The following FGFRL1 variants were observed in gnomAD, a reference collection of about 807,000 sequenced individuals.
FGFRL1 encodes fibroblast growth factor receptor like 1, also known as fibroblast growth factor receptor-like 1.
FGFRL1 carries 24 observed loss-of-function variants against 36.8 expected under a neutral mutation model. The ratio of observed to expected loss-of-function variants is 0.65; its 90% CI spans 0.47 to 0.92. FGFRL1 has a LOEUF of 0.92. Ranked by LOEUF, FGFRL1 falls within the 40% of genes least tolerant of loss-of-function variation. FGFRL1 has a pLI of 0.00. For missense variants in FGFRL1, 785 were observed against 753.4 expected (o/e 1.04, Z -0.49); for synonymous variants, 422 against 344.1 (o/e 1.23, Z -2.50).
chr4:1,013,542 C>A (rs569391597), intron 2 of FGFRL1, among the ~76,000 whole-genome samples: 2 of 152,278 alleles, frequency 1.3e-5, no homozygotes, highest in African/African-American at 2.4e-5. Context: ...CCCCCTACCC[C>A]CCGCCTGCCC....
At chr4:1,022,918 C>G (rs1013945994) in intron 3 of FGFRL1, among the ~76,000 whole-genome samples, 3 of 152,300 alleles carry the variant, frequency 2.0e-5, no homozygotes, top group Non-Finnish European at 4.4e-5. Flanking sequence ...GAGAGACACG[C>G]CCTCCATACC....
chr4:1,018,479 G>A (rs1716010778), intron 2 of FGFRL1, among the ~76,000 whole-genome samples: 1 of 152,184 alleles, frequency 6.6e-6, no homozygotes, highest in African/African-American at 2.4e-5. Context: ...CTCATGTCTC[G>A]CTCCCATGTG....
intron 2 of FGFRL1, among the ~76,000 whole-genome samples, chr4:1,020,549 G>T (rs903518567): frequency 6.7e-6 from 1 of 150,284 alleles, no homozygotes; most frequent in African/African-American, 2.5e-5. Context: ...GCCCACTGGG[G>T]CTGGTCACAC....
chr4:1,012,482 C>A lies in FGFRL1; in HGVS notation c.-4C>A, dbSNP rs766779845. 27 of 1,574,518 alleles carry A rather than the reference C, an allele frequency of 1.7e-5. No homozygotes were observed. In the East Asian group the frequency reaches 6.5e-4, roughly 38 times the overall value. On this transcript the variant is annotated 5_prime_UTR_variant, in exon 2 of 7. Transcript: ENST00000510644. ...CCAATGTCCCCAGGTCCGGACAGGC[C>A]GAGATGACGCCGAGCCCCCTGTTGC...
chr4:1,017,397 C>G (rs565562577), intron 2 of FGFRL1, among the ~76,000 whole-genome samples: 1 of 152,298 alleles, frequency 6.6e-6, no homozygotes, highest in East Asian at 1.9e-4. Context: ...TCCACCTGCC[C>G]CTCCCTCCCC....
Position 1,025,299 on chromosome 4 carries a change from C to T in FGFRL1, c.1467C>T (p.His489=), listed in dbSNP as rs1292957098. ...HTHTHTHSHT[H]SHVEGKVHQH... is the part of the protein sequence containing the mutation. ...ACACACACACACACTCTCACACACACTCACACGTGGAGGGCAAGGTCCACC... is the reference window on the plus strand; with the variant it reads ...ACACACACACACACTCTCACACACATTCACACGTGGAGGGCAAGGTCCACC... Residue 489 remains histidine, a synonymous_variant, in exon 7 of 7, where the codon CAC becomes CAT. Transcript: ENST00000510644. 3 of 1,572,656 alleles carry T rather than the reference C, an allele frequency of 1.9e-6. No individual in the cohort carries two copies. The highest frequency in any genetic ancestry group is 2.6e-6 in the Non-Finnish European group (3 of 1,158,474).
chr4:1,021,770 C>A (rs868770408), intron 2 of FGFRL1, among the ~76,000 whole-genome samples: 1 of 152,164 alleles, frequency 6.6e-6, no homozygotes, highest in Non-Finnish European at 1.5e-5. Context: ...CCCTACTGCC[C>A]TTGTCCTTGG....
At chr4:1,014,482 C>T (rs1715779306) in intron 2 of FGFRL1, among the ~76,000 whole-genome samples, 2 of 152,210 alleles carry the variant, frequency 1.3e-5, no homozygotes, top group African/African-American at 4.8e-5. Context: ...GCCTAGGAGG[C>T]CACTCCCCTG....
At position 1,023,971 on chromosome 4, in the gene FGFRL1, C is replaced by T. The variant is rs144863877; in HGVS notation, c.588C>T (p.Ala196=). The stretch of plus-strand genomic sequence containing the variant: ...ACCAGGCCTTGACGCGCCCAGAGGC[C>T]GCTGAGCCCAGGAAGAAGAAGTGGA... ...KDDQALTRPE[A]AEPRKKKWTL... The change falls in exon 5 of 7, where the codon GCC becomes GCT. Residue 196 remains alanine, a synonymous_variant. Coordinates refer to ENST00000510644, the MANE Select transcript of FGFRL1 (RefSeq NM_001004356.3). This position sits in a 1 kb window ranked among gnomAD's most constrained non-coding sequence, Gnocchi z 6.0. The T allele has an allele frequency of 4.7e-4, 759 of 1,599,660 alleles. 1 individual carries two copies. In the African/African-American group the frequency reaches 9.1e-3, roughly 19 times the overall value.
At position 1,025,613 on chromosome 4, in the gene FGFRL1, T is replaced by A; in HGVS notation, c.*266T>A. ...CACGCACATGCACAGATATGCCGCC[T>A]GGGCACACAGATAAGCTGCCCAAAT... On this transcript the variant is annotated 3_prime_UTR_variant, in exon 7 of 7. Coordinates refer to ENST00000510644, the MANE Select transcript of FGFRL1 (RefSeq NM_001004356.3). The A allele has an allele frequency of 1.8e-6, 1 of 557,342 alleles. No homozygotes were observed. 34.5% of individuals were successfully genotyped at this position (557,342 alleles called of 1,614,324 possible).
At chr4:1,024,140 G>T in intron 5 of FGFRL1, 39 bp downstream of exon 5, 1 of 1,375,470 alleles carries the variant, frequency 7.3e-7, no homozygotes, top group Non-Finnish European at 9.4e-7. Flanking sequence ...GGGGGGTGCT[G>T]GTGGGCGGGG....
In FGFRL1 at chr4:1,023,837, C is replaced by A; in HGVS notation, c.454C>A (p.Pro152Thr). 1.3e-6 allele frequency: 2 copies of A among 1,582,144 alleles called. No homozygotes were observed. Among genetic ancestry groups the A allele is most frequent in the East Asian group, 2.3e-5 (1 of 43,394 alleles). The change falls in exon 5 of 7, where the codon CCC becomes ACC. Residue 152 changes from proline to threonine, a missense_variant. By Grantham distance (38) the Pro-to-Thr change is conservative (BLOSUM62 -1). Coordinates refer to ENST00000510644, the MANE Select transcript of FGFRL1 (RefSeq NM_001004356.3). The surrounding 1 kb of genome is among the most constrained non-coding windows in gnomAD (Gnocchi z 6.0). ...QQWARPRFTQPSKMRRRVIAR... is the reference protein window; with the variant it reads ...QQWARPRFTQTSKMRRRVIAR... ...CGCAGCACGACCGCGCTTCACACAGCCCTCCAAGATGAGGCGCCGGGTGAT... is the reference window on the plus strand; with the variant it reads ...CGCAGCACGACCGCGCTTCACACAGACCTCCAAGATGAGGCGCCGGGTGAT...
At position 1,026,798 on chromosome 4, in the gene FGFRL1, CGTG is replaced by C. The variant is rs1560074975; in HGVS notation, c.*1456_*1458del. 1 of 454,634 alleles carries C rather than the reference CGTG, an allele frequency of 2.2e-6. No individual in the cohort carries two copies. Among genetic ancestry groups the C allele is most frequent in the Non-Finnish European group, 4.4e-6 (1 of 226,046 alleles). The allele number at this position is 454,634 out of a possible 1,614,324, so 28.2% of individuals were successfully genotyped here. ...CAGACACCACCCCCCACCCCACTGT[CGTG>C]GTGGCCCCAGATCTCTGTAATTTTA... is the stretch of plus-strand genomic sequence containing the variant. On this transcript the variant is annotated 3_prime_UTR_variant, in exon 7 of 7. Transcript: ENST00000510644.
At position 1,011,695 on chromosome 4, in the gene FGFRL1, C is replaced by T; in HGVS notation, c.-276C>T. On this transcript the variant is annotated 5_prime_UTR_variant, in exon 1 of 7. Transcript: ENST00000510644. The stretch of plus-strand genomic sequence containing the variant: ...GCCCCGGGCCCCTCGCCCCGCCGCC[C>T]CGGGATCCCGGCCCCGGCCCCCGGC... 6.9e-6 allele frequency: 1 copy of T among 144,022 alleles called. No individual in the cohort carries two copies. The highest frequency in any genetic ancestry group is 1.5e-5 in the Non-Finnish European group (1 of 64,722). The allele number at this position is 144,022 out of a possible 1,614,324, so 8.9% of individuals were successfully genotyped here. A position where few individuals can be genotyped will look rare whatever the true frequency, so the allele number is the denominator to read the frequency against.
At chr4:1,013,859 C>A (rs1323486254) in intron 2 of FGFRL1, among the ~76,000 whole-genome samples, 1 of 152,412 alleles carries the variant, frequency 6.6e-6, no homozygotes, top group East Asian at 1.9e-4. Context: ...GCGGCCACCC[C>A]CTTCGCCTTC....
Position 1,025,701 on chromosome 4 carries a change from C to A in FGFRL1, c.*354C>A. Reference sequence around the variant, plus strand: ...GACATGCTGCCTGAACATACACACGCACACCCATGCGCAGATGTGCTGCCT... The same window carrying A: ...GACATGCTGCCTGAACATACACACGAACACCCATGCGCAGATGTGCTGCCT... On this transcript the variant is annotated 3_prime_UTR_variant, in exon 7 of 7. Transcript: ENST00000510644. 2.6e-6 allele frequency: 1 copy of A among 379,058 alleles called. No individual in the cohort carries two copies. Among genetic ancestry groups the A allele is most frequent in the Non-Finnish European group, 4.9e-6 (1 of 204,558 alleles). The allele number at this position is 379,058 out of a possible 1,614,324, so 23.5% of individuals were successfully genotyped here.
In FGFRL1 at chr4:1,024,088, G is replaced by A; in HGVS notation, c.705G>A (p.Lys235=). Residue 235 remains lysine (K), a synonymous_variant, in exon 5 of 7, where the codon AAG becomes AAA. Transcript: ENST00000510644. ...NRAGAINATY[K]VDVIQRTRSK... is the part of the protein sequence containing the mutation. The stretch of plus-strand genomic sequence containing the variant: ...CGGGCGCCATCAACGCCACCTACAA[G>A]GTGGATGTGATCCGTGAGTGTGGCC... 2 of 1,588,486 alleles carry A rather than the reference G, an allele frequency of 1.3e-6. No homozygotes were observed. The highest frequency in any genetic ancestry group is 1.7e-6 in the Non-Finnish European group (2 of 1,169,796).
At chr4:1,013,701 C>T (rs970335201) in intron 2 of FGFRL1, among the ~76,000 whole-genome samples, 1 of 152,290 alleles carries the variant, frequency 6.6e-6, no homozygotes, top group Non-Finnish European at 1.5e-5. Flanking sequence ...ATCCCTACAC[C>T]TGCCTGTCCT....
chr4:1,022,264 G>T lies in FGFRL1; in HGVS notation c.141G>T (p.Val47=), dbSNP rs373335067. 3.1e-5 allele frequency: 49 copies of T among 1,589,534 alleles called. No homozygotes were observed. The highest frequency in any genetic ancestry group is 7.0e-5 in the Admixed American group (4 of 56,928). Residue 47 remains valine (V), a synonymous_variant, in exon 3 of 7, where the codon GTG becomes GTT. Coordinates refer to ENST00000510644, the MANE Select transcript of FGFRL1 (RefSeq NM_001004356.3). Reference sequence around the variant, plus strand: ...AGGTGGCCCGGCTGGGCCGCACTGTGCGGCTGCAGTGCCCAGTGGAGGGGG... The same window carrying T: ...AGGTGGCCCGGCTGGGCCGCACTGTTCGGCTGCAGTGCCCAGTGGAGGGGG... The part of the protein sequence containing the change: ...PRQVARLGRT[V]RLQCPVEGDP...
Sources: gnomAD v4.1 joint callset for allele counts (sites outside exome capture counted in the v4.1 genomes callset) on GRCh38, gnomAD v4.1.1 for gene constraint, Gnocchi (gnomAD v3.1) non-coding constraint, MANE v1.5 for transcripts, NCBI Gene and HGNC (gene_info 2026-07-23, HGNC 2026-07-21) for gene names.